SDCCAG8: variants seen among roughly 807,000 people sequenced by gnomAD.
SDCCAG8 encodes SHH signaling and ciliogenesis regulator SDCCAG8.
SDCCAG8 carries 74 observed loss-of-function variants against 101.8 expected under a neutral mutation model. That is an observed-to-expected ratio of 0.73 (90% CI 0.60 to 0.88). The LOEUF (loss-of-function observed/expected upper bound fraction) is 0.88, where lower values mean the gene tolerates loss of function less well. Ranked by LOEUF, SDCCAG8 falls within the 40% of genes least tolerant of loss-of-function variation. The pLI is 0.00. For missense variants in SDCCAG8, 787 were observed against 822.6 expected (o/e 0.96, Z 0.53); for synonymous variants, 281 against 292.9 (o/e 0.96, Z 0.41).
At chr1:243,293,876 G>A (rs2070522175) in intron 6 of SDCCAG8, among the ~76,000 whole-genome samples, 1 of 151,996 alleles carries the variant, frequency 6.6e-6, no homozygotes, top group Non-Finnish European at 1.5e-5. Flanking sequence ...CATTTTAATT[G>A]TCGTTTCTTA....
chr1:243,435,443 A>G (rs2148070369), intron 16 of SDCCAG8, among the ~76,000 whole-genome samples: 1 of 152,282 alleles, frequency 6.6e-6, no homozygotes, highest in South Asian at 2.1e-4. Context: ...ATTGCTATTC[A>G]TTCATATCCT....
At chr1:243,338,129 C>G (rs577980768) in intron 10 of SDCCAG8, among the ~76,000 whole-genome samples, 5 of 152,116 alleles carry the variant, frequency 3.3e-5, no homozygotes, top group Admixed American at 6.5e-5. Context: ...ATTATGTTGC[C>G]CAGGCTGGTC....
intron 6 of SDCCAG8, among the ~76,000 whole-genome samples, chr1:243,303,574 C>A (rs541767813): frequency 6.6e-6 from 1 of 152,138 alleles, no homozygotes; most frequent in South Asian, 2.1e-4. Context: ...TTTATGAGGA[C>A]CCGCTTCCAT....
Position 243,316,889 on chromosome 1 carries a change from C to A in SDCCAG8, c.1064C>A (p.Thr355Asn), listed in dbSNP as rs199524638. ...QISEEANFEK[T>N]KALIQCDQLR... ...TCTGAGGAAGCCAATTTTGAAAAAA[C>A]CAAGGCAAGTCTAATAAGATGCAAA... The change falls in exon 9 of 18, where the codon ACC becomes AAC. Residue 355 changes from threonine to asparagine, a missense_variant. Thr to Asn is a moderately conservative substitution (Grantham distance 65). Transcript: ENST00000366541. The A allele has an allele frequency of 3.7e-6, 6 of 1,613,940 alleles. No homozygotes were observed. In the Admixed American group the frequency reaches 8.3e-5, roughly 22 times the overall value.
intron 13 of SDCCAG8, among the ~76,000 whole-genome samples, chr1:243,410,786 A>G (rs1227905199): frequency 6.6e-6 from 1 of 152,242 alleles, no homozygotes; most frequent in Non-Finnish European, 1.5e-5. Flanking sequence ...AAACGATATG[A>G]AAAAGTTGAG....
chr1:243,389,474 G>A (rs919167761), intron 13 of SDCCAG8, among the ~76,000 whole-genome samples: 1 of 152,166 alleles, frequency 6.6e-6, no homozygotes, highest in Non-Finnish European at 1.5e-5. Flanking sequence ...CTGCTTGTTA[G>A]TGTCTATGGC....
intron 16 of SDCCAG8, among the ~76,000 whole-genome samples, chr1:243,483,528 C>G (rs1180680924): frequency 6.6e-6 from 1 of 152,190 alleles, no homozygotes; most frequent in Non-Finnish European, 1.5e-5. Context: ...CCTCCAGTGC[C>G]TCCTCCCCAG....
At chr1:243,329,392 T>G (rs1209094337) in intron 9 of SDCCAG8, among the ~76,000 whole-genome samples, 1 of 152,174 alleles carries the variant, frequency 6.6e-6, no homozygotes, top group Non-Finnish European at 1.5e-5. Context: ...ATATCCTAGA[T>G]ATTTATTGTC....
At chr1:243,350,214 TC>T (rs1300178442) in intron 12 of SDCCAG8, among the ~76,000 whole-genome samples, 1 of 151,972 alleles carries the variant, frequency 6.6e-6, no homozygotes. Flanking sequence ...CTTTTTTCTT[TC>T]TTTTTTTTTT....
At chr1:243,294,821 T>C (rs2070708985) in intron 6 of SDCCAG8, among the ~76,000 whole-genome samples, 1 of 152,060 alleles carries the variant, frequency 6.6e-6, no homozygotes, top group South Asian at 2.1e-4. Flanking sequence ...TATTCTTCTC[T>C]TGCTAACCTG....
chr1:243,310,869 T>A (rs1348769936), intron 8 of SDCCAG8, among the ~76,000 whole-genome samples: 2 of 152,170 alleles, frequency 1.3e-5, no homozygotes, highest in Non-Finnish European at 2.9e-5. Context: ...CTATTAGTAT[T>A]TGAGGAAATA....
At chr1:243,258,373 T>C (rs551594008) in intron 1 of SDCCAG8, among the ~76,000 whole-genome samples, 1 of 152,312 alleles carries the variant, frequency 6.6e-6, no homozygotes, top group Admixed American at 6.5e-5. Flanking sequence ...AGTCAGAAGT[T>C]CTTCACAAAT....
rs781618611 is a variant in SDCCAG8, at chr1:243,338,063, G to A, written c.1222-2976G>A. On this transcript the variant is annotated intron_variant, in intron 10 of 17. Transcript: ENST00000366541. ...AGCCTCCTAAGTAGCTAGGACTACA[G>A]GCGTGTGCCACCTTGCCTGGCTAAC... Among the ~76,000 whole-genome samples, 80 of 151,988 alleles carry A rather than the reference G, an allele frequency of 5.3e-4. 1 individual carries two copies. Among genetic ancestry groups the A allele is most frequent in the Non-Finnish European group, 9.4e-4 (64 of 67,954 alleles).
chr1:243,284,216 A>C (rs2069359349), intron 4 of SDCCAG8, among the ~76,000 whole-genome samples: 1 of 152,176 alleles, frequency 6.6e-6, no homozygotes, highest in South Asian at 2.1e-4. Flanking sequence ...GAACTGAGGT[A>C]AGTAGGCCTT....
At chr1:243,394,246 A>C (rs1043634190) in intron 13 of SDCCAG8, among the ~76,000 whole-genome samples, 1 of 152,250 alleles carries the variant, frequency 6.6e-6, no homozygotes, top group Admixed American at 6.5e-5. Flanking sequence ...TAACATAGCC[A>C]TATGCTATTT....
chr1:243,486,908 C>T (rs1018679185), intron 16 of SDCCAG8, among the ~76,000 whole-genome samples: 17 of 147,646 alleles, frequency 1.2e-4, no homozygotes, highest in African/African-American at 3.9e-4. Context: ...CCATTCTTTT[C>T]GAGCAAGCAG....
At chr1:243,346,459 G>A (rs890990172) in intron 12 of SDCCAG8, among the ~76,000 whole-genome samples, 1 of 152,174 alleles carries the variant, frequency 6.6e-6, no homozygotes, top group Non-Finnish European at 1.5e-5. Flanking sequence ...TCATATTTTA[G>A]TTCATCTGAC....
At chr1:243,316,425 T>C (rs986221764) in intron 8 of SDCCAG8, among the ~76,000 whole-genome samples, 3 of 152,190 alleles carry the variant, frequency 2.0e-5, no homozygotes, top group African/African-American at 7.2e-5. Flanking sequence ...TTCCCTACTT[T>C]GCTGCATTTT....
At chr1:243,318,043 T>G (rs555521073) in intron 9 of SDCCAG8, 25 of 456,704 alleles carry the variant, frequency 5.5e-5, no homozygotes, top group South Asian at 3.7e-4. Flanking sequence ...GCAGCACCCT[T>G]CACAATAGCA....
Sources: gnomAD v4.1 joint callset for allele counts (sites outside exome capture counted in the v4.1 genomes callset) on GRCh38, gnomAD v4.1.1 for gene constraint, MANE v1.5 for transcripts, NCBI Gene and HGNC (gene_info 2026-07-23, HGNC 2026-07-21) for gene names.